The following ATF7IP2 variants were observed in gnomAD, a reference collection of about 807,000 sequenced individuals.
ATF7IP2 encodes the protein activating transcription factor 7 interacting protein 2.
In ATF7IP2, 42 loss-of-function variants were observed where a neutral mutation model predicts 64.2. The observed-to-expected ratio is 0.65, with a 90% CI of 0.51 to 0.85. The LOEUF (loss-of-function observed/expected upper bound fraction) is 0.85. ATF7IP2 is among the 40% of genes least tolerant of loss of function. ATF7IP2 has a pLI of 0.00. For missense variants in ATF7IP2, 933 were observed against 784.2 expected, an observed-to-expected ratio of 1.19 and a Z score of -2.27; for synonymous variants, 308 against 272.8, an observed-to-expected ratio of 1.13 and a Z score of -1.27.
At chr16:10,462,348 C>T (rs2049402881) in intron 9 of ATF7IP2, among the ~76,000 whole-genome samples, 1 of 151,024 alleles carries the variant, frequency 6.6e-6, no homozygotes, top group South Asian at 2.1e-4. Context: ...ATTTTTTTTT[C>T]CACAAGAAGA....
At chr16:10,392,518 C>T (rs2047347256) in intron 1 of ATF7IP2, among the ~76,000 whole-genome samples, 1 of 151,990 alleles carries the variant, frequency 6.6e-6, no homozygotes, top group Admixed American at 6.6e-5. Flanking sequence ...GCCCAAATGG[C>T]ATTAGTGGTT....
chr16:10,480,824 A>G lies in ATF7IP2; in HGVS notation c.1550-55A>G, dbSNP rs1459177834. 1.7e-5 allele frequency: 20 copies of G among 1,162,178 alleles called. No homozygotes were observed. In the South Asian group the frequency reaches 2.1e-4, roughly 12 times the overall value. The allele number at this position is 1,162,178 out of a possible 1,614,324, so 72.0% of individuals were successfully genotyped here. On this transcript the variant is annotated intron_variant, in intron 12 of 13. Transcript: ENST00000562102. ...AGATGTAAACTATAGCTTAAAGGCT[A>G]TGGAATTGATTATTGCAGATAAGAT...
At chr16:10,406,372 C>T (rs995340564) in intron 1 of ATF7IP2, among the ~76,000 whole-genome samples, 1 of 152,112 alleles carries the variant, frequency 6.6e-6, no homozygotes, top group African/African-American at 2.4e-5. Flanking sequence ...TTCCAAAGTG[C>T]TGGGATTACA....
intron 1 of ATF7IP2, among the ~76,000 whole-genome samples, chr16:10,397,778 G>A (rs2047448034): frequency 6.6e-6 from 1 of 151,362 alleles, no homozygotes; most frequent in South Asian, 2.1e-4. Context: ...GATTGCATGA[G>A]CCTGAGAGGT....
intron 8 of ATF7IP2, among the ~76,000 whole-genome samples, chr16:10,455,365 G>A (rs1328865339): frequency 6.6e-6 from 1 of 152,218 alleles, no homozygotes; most frequent in African/African-American, 2.4e-5. Flanking sequence ...ACTGAAGATG[G>A]AGGAGGGCCT....
chr16:10,403,561 G>T (rs1053406350), intron 1 of ATF7IP2, among the ~76,000 whole-genome samples: 3 of 152,070 alleles, frequency 2.0e-5, no homozygotes, highest in Admixed American at 1.3e-4. Context: ...AAAAAGTAAG[G>T]TATTATAACA....
At chr16:10,478,726 A>C (rs1263798435) in intron 12 of ATF7IP2, among the ~76,000 whole-genome samples, 4 of 152,208 alleles carry the variant, frequency 2.6e-5, no homozygotes, top group Non-Finnish European at 4.4e-5. Context: ...CAACCTACAA[A>C]ATGGGAGAAA....
intron 12 of ATF7IP2, among the ~76,000 whole-genome samples, chr16:10,480,112 C>T (rs2050166997): frequency 6.6e-6 from 1 of 151,426 alleles, no homozygotes; most frequent in Admixed American, 6.6e-5. Flanking sequence ...CTCAGCCTCC[C>T]GAGTAGCTGG....
At chr16:10,455,567 C>G (rs1287965790) in intron 8 of ATF7IP2, among the ~76,000 whole-genome samples, 1 of 152,108 alleles carries the variant, frequency 6.6e-6, no homozygotes, top group African/African-American at 2.4e-5. Context: ...GCTGCTGTAA[C>G]CAATACCTAA....
chr16:10,414,132 A>C (rs1321610511), intron 1 of ATF7IP2, among the ~76,000 whole-genome samples: 1 of 152,140 alleles, frequency 6.6e-6, no homozygotes, highest in Non-Finnish European at 1.5e-5. Flanking sequence ...CTAGGTTTTT[A>C]ACAAGGCCCG....
Position 10,431,098 on chromosome 16 carries a change from G to T in ATF7IP2, c.478G>T (p.Gly160Trp). The change falls in exon 5 of 14, where the codon GGG becomes TGG. Residue 160 changes from glycine (G) to tryptophan (W), a missense_variant. Gly to Trp is a radical substitution (Grantham distance 184, BLOSUM62 -2). Transcript: ENST00000562102. ...NVTRSLFEHEGACSLKSSCCP... is the reference protein window; with the variant it reads ...NVTRSLFEHEWACSLKSSCCP... Reference sequence around the variant, plus strand: ...AACAAGATCCCTTTTTGAGCATGAGGGGGCTTGTAGTCTAAAGTCCAGTTG... The same window carrying T: ...AACAAGATCCCTTTTTGAGCATGAGTGGGCTTGTAGTCTAAAGTCCAGTTG... 6.2e-7 allele frequency: 1 copy of T among 1,614,050 alleles called. No individual in the cohort carries two copies. The highest frequency in any genetic ancestry group is 8.5e-7 in the Non-Finnish European group (1 of 1,180,004).
intron 1 of ATF7IP2, among the ~76,000 whole-genome samples, chr16:10,407,299 A>G (rs2047662182): frequency 6.6e-6 from 1 of 152,218 alleles, no homozygotes; most frequent in African/African-American, 2.4e-5. Flanking sequence ...CAAAAGAACT[A>G]CAAACCTTTG....
chr16:10,423,189 A>T (rs1029493963), intron 3 of ATF7IP2, among the ~76,000 whole-genome samples: 1 of 152,152 alleles, frequency 6.6e-6, no homozygotes, highest in African/African-American at 2.4e-5. Flanking sequence ...GCTGGCAGTG[A>T]GCCGAGACCA....
intron 9 of ATF7IP2, among the ~76,000 whole-genome samples, chr16:10,461,266 C>A (rs146929658): frequency 6.6e-6 from 1 of 152,036 alleles, no homozygotes; most frequent in South Asian, 2.1e-4. Context: ...TGGTATAGTA[C>A]TCTAAAGAAA....
Position 10,466,466 on chromosome 16 carries a change from T to G in ATF7IP2, c.1353-5644T>G, listed in dbSNP as rs533201088. The stretch of plus-strand genomic sequence containing the variant: ...ACCACCAACCAGTTTACCAAAGAAG[T>G]TGTACCAAGTTATACTCCCACTATA... On this transcript the variant is annotated intron_variant, in intron 9 of 13. Transcript: ENST00000562102. 4.3e-4 allele frequency among the ~76,000 whole-genome samples: 65 copies of G among 152,136 alleles called. 1 individual carries two copies. The highest frequency in any genetic ancestry group is 6.8e-4 in the Non-Finnish European group (46 of 68,022).
At chr16:10,408,643 G>C (rs1432781022) in intron 1 of ATF7IP2, among the ~76,000 whole-genome samples, 5 of 152,170 alleles carry the variant, frequency 3.3e-5, no homozygotes, top group Non-Finnish European at 5.9e-5. Flanking sequence ...CTTCTTTTGA[G>C]AATTGCCTGT....
intron 3 of ATF7IP2, among the ~76,000 whole-genome samples, chr16:10,420,361 G>A (rs929147353): frequency 4.6e-5 from 7 of 152,208 alleles, no homozygotes; most frequent in Non-Finnish European, 8.8e-5. Flanking sequence ...GAACATGGGT[G>A]ACATCCATTT....
intron 8 of ATF7IP2, among the ~76,000 whole-genome samples, chr16:10,452,408 T>C (rs1043425599): frequency 6.6e-6 from 1 of 152,182 alleles, no homozygotes; most frequent in African/African-American, 2.4e-5. Flanking sequence ...CTCCCGACCT[T>C]GTTTGCCTGG....
intron 8 of ATF7IP2, chr16:10,446,175 G>C (rs1022646808): frequency 1.3e-5 from 2 of 152,126 alleles, no homozygotes; most frequent in East Asian, 3.8e-4. Flanking sequence ...TTTGAAAGGG[G>C]TCTCTCTTAA....
Sources: gnomAD v4.1 joint callset for allele counts (sites outside exome capture counted in the v4.1 genomes callset) on GRCh38, gnomAD v4.1.1 for gene constraint, MANE v1.5 for transcripts, NCBI Gene and HGNC (gene_info 2026-07-23, HGNC 2026-07-21) for gene names.